HS6ST3: variants seen among roughly 807,000 people sequenced by gnomAD.
HS6ST3 encodes the protein heparan sulfate 6-O-sulfotransferase 3.
In HS6ST3, 12 loss-of-function variants were observed where a neutral mutation model predicts 36.7. The ratio of observed to expected loss-of-function variants is 0.33; its 90% CI spans 0.21 to 0.53. The LOEUF (loss-of-function observed/expected upper bound fraction) is 0.53, where lower values mean the gene tolerates loss of function less well. Among genes scored for constraint, HS6ST3 ranks in the 20% least tolerant of loss-of-function variants. The pLI is 0.95. For synonymous variants in HS6ST3, 240 were observed against 257.5 expected, an observed-to-expected ratio of 0.93 and a Z score of 0.65; for missense variants, 584 against 640.9, an observed-to-expected ratio of 0.91 and a Z score of 0.96.
chr13:96,314,548 A>G (rs912059759), intron 1 of HS6ST3, among the ~76,000 whole-genome samples: 1 of 152,208 alleles, frequency 6.6e-6, no homozygotes, highest in Admixed American at 6.5e-5. Flanking sequence ...TATTCCCAAT[A>G]GATAAAGCAG....
At chr13:96,445,542 C>G (rs2055693856) in intron 1 of HS6ST3, among the ~76,000 whole-genome samples, 1 of 151,886 alleles carries the variant, frequency 6.6e-6, no homozygotes, top group African/African-American at 2.4e-5. Context: ...TCTTTCATAC[C>G]ACTTTGGCAA....
At position 96,644,689 on chromosome 13, in the gene HS6ST3, A is replaced by G. The variant is rs189839733; in HGVS notation, c.708-187801A>G. ...CATGCAGTCCGTGACTCAAGATAGG[A>G]TATGAAAATTAATAGCAGAAACCCA... On this transcript the variant is annotated intron_variant, in intron 1 of 1. Transcript: ENST00000376705. Among the ~76,000 whole-genome samples, 27 of 152,108 alleles carry G rather than the reference A, an allele frequency of 1.8e-4. No homozygotes were observed. In the Middle Eastern group the frequency reaches 0.014, roughly 77 times the overall value.
At chr13:96,438,788 G>C (rs1318449214) in intron 1 of HS6ST3, among the ~76,000 whole-genome samples, 2 of 152,172 alleles carry the variant, frequency 1.3e-5, no homozygotes, top group Admixed American at 1.3e-4. Context: ...GGTTATGGCT[G>C]GGCACAGTGG....
intron 1 of HS6ST3, among the ~76,000 whole-genome samples, chr13:96,161,944 A>G (rs2054137697): frequency 6.6e-6 from 1 of 152,258 alleles, no homozygotes; most frequent in Non-Finnish European, 1.5e-5. Context: ...AAAGTATTTC[A>G]TATCTTTAGG....
At position 96,833,406 on chromosome 13, in the gene HS6ST3, T is replaced by C. The variant is rs1489428487; in HGVS notation, c.*208T>C. ...TTTCTTGACATTTTGCAATTGGTGA[T>C]ATTAAGTAGGGTAGGAGTGCATCCC... On this transcript the variant is annotated 3_prime_UTR_variant, in exon 2 of 2. Transcript: ENST00000376705. The C allele has an allele frequency of 5.3e-6, 3 of 561,402 alleles. No homozygotes were observed. The African/African-American group carries it at 5.6e-5, about 11-fold the overall frequency. The allele number at this position is 561,402 out of a possible 1,614,324, so 34.8% of individuals were successfully genotyped here.
chr13:96,608,866 G>C (rs1042622539), intron 1 of HS6ST3, among the ~76,000 whole-genome samples: 3 of 152,150 alleles, frequency 2.0e-5, no homozygotes, highest in Non-Finnish European at 4.4e-5. Context: ...TCTATTTCCT[G>C]ACTGAAGTGG....
At chr13:96,682,608 G>A (rs1453343081) in intron 1 of HS6ST3, among the ~76,000 whole-genome samples, 1 of 152,074 alleles carries the variant, frequency 6.6e-6, no homozygotes, top group Non-Finnish European at 1.5e-5. Flanking sequence ...CTGGATTATA[G>A]ACCTGATACA....
intron 1 of HS6ST3, among the ~76,000 whole-genome samples, chr13:96,222,093 A>G (rs1426945421): frequency 6.6e-6 from 1 of 152,226 alleles, no homozygotes; most frequent in African/African-American, 2.4e-5. Context: ...AGATAAAATC[A>G]AAGATATTTT....
chr13:96,401,307 T>C (rs2055450075), intron 1 of HS6ST3, among the ~76,000 whole-genome samples: 1 of 149,428 alleles, frequency 6.7e-6, no homozygotes, highest in African/African-American at 2.5e-5. Context: ...ACCCTTCAAG[T>C]TGATGTCAAT....
rs952199755 is a variant in HS6ST3 at position 96,832,510 on chromosome 13, T to C, written c.728T>C (p.Met243Thr). 6.3e-7 allele frequency: 1 copy of C among 1,580,158 alleles called. No homozygotes were observed. The highest frequency in any genetic ancestry group is 1.4e-5 in the African/African-American group (1 of 73,626). ...TCTAGGAATTTCTATTACATCACAA[T>C]GTTACGGGATCCAGTGTCACGTTAC... The part of the protein sequence containing the change: ...SHTRNFYYIT[M>T]LRDPVSRYLS... The change falls in exon 2 of 2, where the codon ATG (methionine) becomes ACG (threonine). Residue 243 changes from methionine (M) to threonine (T), a missense_variant. Met to Thr is a moderately conservative substitution (Grantham distance 81, BLOSUM62 -1). Transcript: ENST00000376705.
Position 96,129,206 on chromosome 13 carries a change from C to T in HS6ST3, c.707+37637C>T, listed in dbSNP as rs185695364. On this transcript the variant is annotated intron_variant, in intron 1 of 1. Coordinates refer to ENST00000376705, the MANE Select transcript of HS6ST3 (RefSeq NM_153456.4). ...TTCTCTGTCTCACTTTCTAAAGTGT[C>T]TCAATCAAAGCTGTTTCTTAAACAT... Among the ~76,000 whole-genome samples, 667 of 152,288 alleles carry T rather than the reference C, an allele frequency of 4.4e-3. 25 individuals carry two copies. Among genetic ancestry groups the T allele is most frequent in the Admixed American group, 0.038 (586 of 15,298 alleles).
intron 1 of HS6ST3, among the ~76,000 whole-genome samples, chr13:96,562,415 T>A (rs181154696): frequency 2.0e-5 from 3 of 152,118 alleles, no homozygotes; most frequent in African/African-American, 7.2e-5. Flanking sequence ...TTGGGTACTA[T>A]GCTCAGTACC....
At chr13:96,644,756 C>T (rs1167694344) in intron 1 of HS6ST3, among the ~76,000 whole-genome samples, 2 of 151,960 alleles carry the variant, frequency 1.3e-5, no homozygotes, top group African/African-American at 4.8e-5. Context: ...GAGCATGTTA[C>T]TCAAGAAAGC....
chr13:96,216,282 A>G lies in HS6ST3; in HGVS notation c.707+124713A>G, dbSNP rs368540073. 7.2e-5 allele frequency among the ~76,000 whole-genome samples: 11 copies of G among 152,232 alleles called. No homozygotes were observed. In the South Asian group the frequency reaches 2.3e-3, roughly 32 times the overall value. ...ATATACATTTTGATTCTACTTTTTC[A>G]CATAACCAAAGTCCTTTCCCATGCT... is the stretch of plus-strand genomic sequence containing the variant. On this transcript the variant is annotated intron_variant, in intron 1 of 1. Coordinates refer to ENST00000376705, the MANE Select transcript of HS6ST3 (RefSeq NM_153456.4).
intron 1 of HS6ST3, among the ~76,000 whole-genome samples, chr13:96,428,408 A>T (rs1238017979): frequency 6.6e-6 from 1 of 152,184 alleles, no homozygotes; most frequent in Non-Finnish European, 1.5e-5. Context: ...TTATTTTCTC[A>T]GAGTTCTGGA....
chr13:96,613,899 C>T (rs771474938), intron 1 of HS6ST3, among the ~76,000 whole-genome samples: 4 of 152,136 alleles, frequency 2.6e-5, no homozygotes, highest in Admixed American at 2.0e-4. Flanking sequence ...CTATTGATCA[C>T]GACAGGTGCC....
At chr13:96,773,015 G>A (rs930224397) in intron 1 of HS6ST3, among the ~76,000 whole-genome samples, 1 of 152,212 alleles carries the variant, frequency 6.6e-6, no homozygotes, top group African/African-American at 2.4e-5. Context: ...CAGAGGGTGA[G>A]CTGAAGTGGG....
rs533459103 is a variant in HS6ST3 at position 96,800,868 on chromosome 13, CA to C, written c.708-31615del. 3.9e-5 allele frequency among the ~76,000 whole-genome samples: 6 copies of C among 151,974 alleles called. No individual in the cohort carries two copies. In the East Asian group the frequency reaches 1.2e-3, roughly 29 times the overall value. On this transcript the variant is annotated intron_variant, in intron 1 of 1. Coordinates refer to ENST00000376705, the MANE Select transcript of HS6ST3 (RefSeq NM_153456.4). Reference sequence around the variant, plus strand: ...AGACATGTTTCATCGTCTGTTATCTCAAAAAAAGAAAAAGAAAAACACCTTT... The same window carrying C: ...AGACATGTTTCATCGTCTGTTATCTCAAAAAAGAAAAAGAAAAACACCTTT...
intron 1 of HS6ST3, among the ~76,000 whole-genome samples, chr13:96,119,288 A>G (rs2053913818): frequency 6.6e-6 from 1 of 152,170 alleles, no homozygotes; most frequent in Non-Finnish European, 1.5e-5. Context: ...TATGAAAGCC[A>G]TTTAAGGGAA....
Sources: allele counts gnomAD v4.1 joint callset (sites outside exome capture counted in the v4.1 genomes callset), GRCh38; gene constraint gnomAD v4.1.1; transcripts MANE v1.5; gene names NCBI Gene and HGNC (gene_info 2026-07-23, HGNC 2026-07-21).